Variants in DRD3 observed in about 807,000 individuals in gnomAD.
The protein encoded by DRD3 is D(3) dopamine receptor.
Under a neutral mutation model 36.3 loss-of-function variants are expected in DRD3, and 19 were observed. That is an observed-to-expected ratio of 0.52 (90% CI 0.36 to 0.77). The LOEUF is 0.77. Ranked by LOEUF, DRD3 falls within the 30% of genes least tolerant of loss-of-function variation. The probability of loss-of-function intolerance (pLI) is 0.00; values close to 1 mark genes in which losing one functional copy is unlikely to be tolerated. For synonymous variants in DRD3, 195 were observed against 203.7 expected (o/e 0.96, Z 0.36); for missense variants, 465 against 505.3 (o/e 0.92, Z 0.77).
At chr3:114,194,170 C>G (rs1346096596) in intron 1 of DRD3, among the ~76,000 whole-genome samples, 1 of 152,188 alleles carries the variant, frequency 6.6e-6, no homozygotes, top group Non-Finnish European at 1.5e-5. Context: ...TCCTGTAAGT[C>G]AGTGTTTTAG....
chr3:114,199,189 T>C (rs1224132902), intron 1 of DRD3: 6 of 152,228 alleles, frequency 3.9e-5, no homozygotes, highest in African/African-American at 7.2e-5. Context: ...TCATCTCCCA[T>C]ATTGTCTTGG....
intron 3 of DRD3, among the ~76,000 whole-genome samples, chr3:114,153,875 T>G (rs2077641331): frequency 6.6e-6 from 1 of 152,160 alleles, no homozygotes; most frequent in South Asian, 2.1e-4. Flanking sequence ...GTCGTGAAGG[T>G]TAGCAATAAT....
intron 1 of DRD3, among the ~76,000 whole-genome samples, chr3:114,197,955 A>G (rs1249137624): frequency 1.3e-5 from 2 of 152,178 alleles, no homozygotes; most frequent in Non-Finnish European, 2.9e-5. Flanking sequence ...CTTTAAAACC[A>G]GCTTCTTATT....
At chr3:114,147,346 A>G (rs1559986608) in intron 4 of DRD3, 69 bp downstream of exon 4, 5 of 1,566,988 alleles carry the variant, frequency 3.2e-6, no homozygotes, top group Non-Finnish European at 4.4e-6. Context: ...GGCTGAGCAC[A>G]ACTCACAGCC....
At chr3:114,173,718 A>G (rs576535372) in intron 1 of DRD3, among the ~76,000 whole-genome samples, 1 of 152,214 alleles carries the variant, frequency 6.6e-6, no homozygotes, top group Non-Finnish European at 1.5e-5. Context: ...TTGGCCTTCC[A>G]TGTTGTTACG....
In DRD3 at chr3:114,139,685, C is replaced by T; in HGVS notation, c.538G>A (p.Val180Ile). ...FGFNTTGDPT[V>I]CSISNPDFVI... ...AAATCAGGGTTGGAGATGGAGCAGA[C>T]AGTGGGGTCCCCTGTGGATGAGAAG... The change falls in exon 5 of 7, where the codon GTC becomes ATC. Residue 180 changes from valine to isoleucine, a missense_variant. Transcript: ENST00000383673. 1 of 1,613,910 alleles carries T rather than the reference C, an allele frequency of 6.2e-7. No individual in the cohort carries two copies. Among genetic ancestry groups the T allele is most frequent in the Non-Finnish European group, 8.5e-7 (1 of 1,179,906 alleles).
intron 2 of DRD3, among the ~76,000 whole-genome samples, chr3:114,162,172 T>A (rs1313849590): frequency 6.6e-6 from 1 of 152,212 alleles, no homozygotes; most frequent in Non-Finnish European, 1.5e-5. Context: ...AAGGCATTCA[T>A]CAATAAAATA....
chr3:114,191,225 G>T lies in DRD3; in HGVS notation c.-156+8048C>A, dbSNP rs148899336. Among the ~76,000 whole-genome samples, 3 of 152,366 alleles carry T rather than the reference G, an allele frequency of 2.0e-5. No homozygotes were observed. The East Asian group carries it at 5.8e-4, about 29-fold the overall frequency. On this transcript the variant is annotated intron_variant, in intron 1 of 7. Transcript: ENST00000460779. ...GTAAAACGAGAAAGTCTCAGATAATGGTGAACATTATGCAGAGAGGTAGAA... is the reference window on the plus strand; with the variant it reads ...GTAAAACGAGAAAGTCTCAGATAATTGTGAACATTATGCAGAGAGGTAGAA...
chr3:114,128,700 TC>T lies in DRD3; in HGVS notation c.*15del, dbSNP rs1234319985. ...AGCTAGAAATGGGTACAAAGAGTGT[TC>T]CCTCTTCTGCTCCCTCAGCAAGACA... On this transcript the variant is annotated 3_prime_UTR_variant, in exon 7 of 7. Coordinates refer to ENST00000383673, the MANE Select transcript of DRD3 (RefSeq NM_000796.6). 6.4e-7 allele frequency: 1 copy of T among 1,574,420 alleles called. No individual in the cohort carries two copies. The highest frequency in any genetic ancestry group is 1.2e-5 in the South Asian group (1 of 84,074).
intron 4 of DRD3, among the ~76,000 whole-genome samples, chr3:114,144,226 T>C (rs1054068496): frequency 2.6e-5 from 4 of 152,278 alleles, no homozygotes; most frequent in Admixed American, 2.6e-4. Flanking sequence ...CTGTATCTTA[T>C]GTTCTCTAAT....
intron 1 of DRD3, among the ~76,000 whole-genome samples, chr3:114,196,340 G>T (rs561560348): frequency 7.9e-5 from 12 of 151,774 alleles, no homozygotes; most frequent in African/African-American, 2.9e-4. Context: ...TTAGAGACGG[G>T]GTCTCACTCT....
rs749017284 is a variant in DRD3, at chr3:114,128,174, C to A, written c.*542G>T. Among the ~76,000 whole-genome samples the A allele has an allele frequency of 6.6e-6, 1 of 152,194 alleles. No homozygotes were observed. Among genetic ancestry groups the A allele is most frequent in the African/African-American group, 2.4e-5 (1 of 41,436 alleles). On this transcript the variant is annotated 3_prime_UTR_variant, in exon 7 of 7. Transcript: ENST00000383673. ...GAGAAATTCACCTCACCAAATGTAG[C>A]CCATCGGATTCTACAGAGAGGTAGA...
chr3:114,170,329 G>A (rs1021571589), intron 2 of DRD3, among the ~76,000 whole-genome samples: 2 of 152,188 alleles, frequency 1.3e-5, no homozygotes, highest in African/African-American at 4.8e-5. Flanking sequence ...TATATCAAAT[G>A]TTATAGCAGT....
At position 114,139,691 on chromosome 3, in the gene DRD3, G is replaced by T. The variant is rs201504870; in HGVS notation, c.532C>A (p.Pro178Thr). 3.1e-6 allele frequency: 5 copies of T among 1,613,726 alleles called. No individual in the cohort carries two copies. Among genetic ancestry groups the T allele is most frequent in the Non-Finnish European group, 4.2e-6 (5 of 1,179,784 alleles). Reference protein sequence around the residue: ...LLFGFNTTGDPTVCSISNPDF... With the variant: ...LLFGFNTTGDTTVCSISNPDF... ...GGGTTGGAGATGGAGCAGACAGTGG[G>T]GTCCCCTGTGGATGAGAAGGGGGAA... is the stretch of plus-strand genomic sequence containing the variant. Residue 178 changes from proline (P) to threonine (T), a missense_variant, in exon 5 of 7, where the codon CCC becomes ACC. Physicochemically the swap from Pro to Thr is conservative, Grantham distance 38. Transcript: ENST00000383673.
At chr3:114,172,286 C>T (rs765095937) in intron 1 of DRD3, among the ~76,000 whole-genome samples, 2 of 152,058 alleles carry the variant, frequency 1.3e-5, no homozygotes, top group Admixed American at 6.5e-5. Context: ...AATAATGATA[C>T]GTATATTGGA....
intron 6 of DRD3, among the ~76,000 whole-genome samples, chr3:114,130,864 T>C (rs2077423252): frequency 6.6e-6 from 1 of 152,258 alleles, no homozygotes. Context: ...ATCTTACTTA[T>C]TGTTTGATTT....
At chr3:114,132,979 T>C (rs2107830735) in intron 5 of DRD3, among the ~76,000 whole-genome samples, 1 of 149,178 alleles carries the variant, frequency 6.7e-6, no homozygotes, top group Admixed American at 6.7e-5. Flanking sequence ...ATGTGTCTTA[T>C]AAAACAGTCC....
At chr3:114,149,155 C>A (rs2077594589) in intron 3 of DRD3, among the ~76,000 whole-genome samples, 1 of 151,824 alleles carries the variant, frequency 6.6e-6, no homozygotes, top group Admixed American at 6.6e-5. Context: ...AGTGAATGAA[C>A]AATAAAAAAG....
In DRD3 at chr3:114,189,199, C is replaced by T. The variant is rs144672282; in HGVS notation, c.-156+10074G>A. 3.4e-4 allele frequency among the ~76,000 whole-genome samples: 51 copies of T among 152,210 alleles called. 1 individual carries two copies. In the East Asian group the frequency reaches 9.4e-3, roughly 28 times the overall value. ...TTTAACATTTTAATCCAGCCTATAT[C>T]GTTTGATCCTTTTACTACTATTAAT... On this transcript the variant is annotated intron_variant, in intron 1 of 7. Coordinates refer to the DRD3 transcript ENST00000460779.
Sources: allele counts gnomAD v4.1 joint callset (sites outside exome capture counted in the v4.1 genomes callset), GRCh38; gene constraint gnomAD v4.1.1; transcripts MANE v1.5; gene names NCBI Gene and HGNC (gene_info 2026-07-23, HGNC 2026-07-21).